The following USP7 variants were observed in gnomAD, a reference collection of about 807,000 sequenced individuals.
USP7 encodes the protein ubiquitin C-terminal hydrolase 7.
Under a neutral mutation model 162.9 loss-of-function variants are expected in USP7, and 9 were observed. The ratio of observed to expected loss-of-function variants is 0.06; its 90% CI spans 0.03 to 0.10. The LOEUF (loss-of-function observed/expected upper bound fraction) is 0.10, where lower values mean the gene tolerates loss of function less well. Ranked by LOEUF, USP7 falls within the 10% of genes least tolerant of loss-of-function variation. The probability of loss-of-function intolerance (pLI) is 1.00; values close to 1 mark genes in which losing one functional copy is unlikely to be tolerated. For missense variants in USP7, 715 were observed against 1,373.7 expected (o/e 0.52, Z 7.58); for synonymous variants, 562 against 475.9 (o/e 1.18, Z -2.35).
At chr16:8,907,634 T>C (rs1238227513) in intron 12 of USP7, among the ~76,000 whole-genome samples, 1 of 152,024 alleles carries the variant, frequency 6.6e-6, no homozygotes, top group Admixed American at 6.6e-5. Context: ...GGCCGGCAGA[T>C]CACTTGAGAC....
intron 1 of USP7, among the ~76,000 whole-genome samples, chr16:8,951,124 T>TAA (rs899574608): frequency 6.6e-6 from 1 of 152,202 alleles, no homozygotes; most frequent in African/African-American, 2.4e-5. Flanking sequence ...AGGCAAGGCT[T>TAA]AAAGTCAAAC....
intron 1 of USP7, among the ~76,000 whole-genome samples, chr16:8,932,058 A>G (rs545586535): frequency 6.9e-4 from 105 of 151,936 alleles, no homozygotes; most frequent in Non-Finnish European, 1.3e-3. Context: ...TGCCATGCTC[A>G]CCTCCCCCTC....
At chr16:8,897,402 C>T (rs2061700294) in intron 25 of USP7, 1 of 344,662 alleles carries the variant, frequency 2.9e-6, no homozygotes, top group African/African-American at 2.1e-5. Flanking sequence ...CCAGGGCCTT[C>T]CCAACTCTCA....
rs542683789 is a variant in USP7, at chr16:8,893,217, C to CT, written c.*780dup. ...AAAGGCTTTCTTGTCGTCTGTTCCA[C>CT]TTTAACGAAATTCTATTTATAATCC... On this transcript the variant is annotated 3_prime_UTR_variant, in exon 31 of 31. Coordinates refer to ENST00000344836, the MANE Select transcript of USP7 (RefSeq NM_003470.3). The CT allele has an allele frequency of 9.9e-5, 15 of 152,202 alleles. No homozygotes were observed. The highest frequency in any genetic ancestry group is 1.8e-4 in the Non-Finnish European group (12 of 68,042). 9.4% of individuals were successfully genotyped at this position (152,202 alleles called of 1,614,324 possible). A position where few individuals can be genotyped will look rare whatever the true frequency, so the allele number is the denominator to read the frequency against.
intron 1 of USP7, chr16:8,949,685 T>G (rs7192755): frequency 0.32 from 49,094 of 152,262 alleles, 9,388 homozygotes; most frequent in African/African-American, 0.53. Context: ...CTCACCTCTG[T>G]GCATTCATCA....
chr16:8,920,577 T>G (rs2447912), intron 4 of USP7, 130 bp from the exon 5 acceptor site: 736,188 of 738,766 alleles, frequency 1, 366,849 homozygotes, highest in East Asian at 1. Context: ...TCCCAACTTT[T>G]TTGCTAATTT....
intron 1 of USP7, among the ~76,000 whole-genome samples, chr16:8,933,886 G>C (rs979713533): frequency 5.9e-5 from 9 of 151,926 alleles, no homozygotes; most frequent in African/African-American, 1.9e-4. Context: ...CTCCCAAGTA[G>C]CTAGGATTAC....
chr16:8,928,895 G>C (rs1898164826), intron 2 of USP7, among the ~76,000 whole-genome samples: 1 of 152,054 alleles, frequency 6.6e-6, no homozygotes, highest in African/African-American at 2.4e-5. Context: ...GCAATGTCTA[G>C]AGACATGTCA....
At chr16:8,926,836 G>A (rs1406576782) in intron 2 of USP7, among the ~76,000 whole-genome samples, 2 of 152,184 alleles carry the variant, frequency 1.3e-5, no homozygotes, top group African/African-American at 2.4e-5. Flanking sequence ...ACAAACTGGT[G>A]TCACCACAAA....
chr16:8,941,169 A>G (rs571402732), intron 1 of USP7, among the ~76,000 whole-genome samples: 5 of 151,984 alleles, frequency 3.3e-5, no homozygotes, highest in Non-Finnish European at 7.4e-5. Context: ...CCACCAAATT[A>G]CTTCCCAGCC....
intron 6 of USP7, 26 bp downstream of exon 6, chr16:8,919,005 G>A (rs758168602): frequency 1.2e-6 from 2 of 1,606,532 alleles, no homozygotes; most frequent in Non-Finnish European, 1.7e-6. Context: ...GCGGAAGGCT[G>A]CAGGAGAGGA....
chr16:8,900,426 C>T (rs1268885399), intron 21 of USP7, 104 bp downstream of exon 21: 2 of 802,318 alleles, frequency 2.5e-6, no homozygotes, highest in East Asian at 3.0e-5. Flanking sequence ...AAAACAAAAA[C>T]AAAAACGTGG....
chr16:8,933,454 T>C (rs1898490635), intron 1 of USP7, among the ~76,000 whole-genome samples: 1 of 152,210 alleles, frequency 6.6e-6, no homozygotes, highest in Admixed American at 6.5e-5. Context: ...AGGAGAGTCC[T>C]GTGTTGAAAT....
intron 1 of USP7, among the ~76,000 whole-genome samples, chr16:8,938,639 G>T (rs115935836): frequency 1.3e-5 from 2 of 151,412 alleles, no homozygotes; most frequent in Non-Finnish European, 2.9e-5. Flanking sequence ...ATGAACCTGG[G>T]AAGCAGAGTT....
At chr16:8,922,369 T>C (rs1437418817) in intron 3 of USP7, among the ~76,000 whole-genome samples, 2 of 152,140 alleles carry the variant, frequency 1.3e-5, no homozygotes, top group Non-Finnish European at 2.9e-5. Context: ...ACGCCTATAG[T>C]CCCAGCTACT....
At chr16:8,936,181 C>T (rs933582480) in intron 1 of USP7, among the ~76,000 whole-genome samples, 16 of 152,176 alleles carry the variant, frequency 1.1e-4, no homozygotes, top group African/African-American at 3.9e-4. Flanking sequence ...TCCACTCAGC[C>T]CCCCAGATCC....
intron 1 of USP7, among the ~76,000 whole-genome samples, chr16:8,935,181 A>G (rs1419889197): frequency 6.6e-6 from 1 of 151,734 alleles, no homozygotes; most frequent in African/African-American, 2.4e-5. Context: ...ATTTGGCCAA[A>G]CACTTGAGCT....
chr16:8,899,469 A>C, intron 22 of USP7, 135 bp downstream of exon 22: 1 of 1,137,758 alleles, frequency 8.8e-7, no homozygotes, highest in Non-Finnish European at 1.2e-6. Context: ...GCCTGAATCC[A>C]TCAGTGGGAG....
chr16:8,916,944 T>G (rs1025085841), intron 7 of USP7, 82 bp downstream of exon 7: 6 of 1,446,478 alleles, frequency 4.1e-6, no homozygotes, highest in Non-Finnish European at 5.4e-6. Context: ...CTCTACTAAC[T>G]TTTCTATTCT....
Sources: gnomAD v4.1 joint callset for allele counts (sites outside exome capture counted in the v4.1 genomes callset) on GRCh38, gnomAD v4.1.1 for gene constraint, MANE v1.5 for transcripts, NCBI Gene and HGNC (gene_info 2026-07-23, HGNC 2026-07-21) for gene names.